Variants in PRORP observed in about 807,000 individuals in gnomAD.
PRORP encodes the protein protein only RNase P catalytic subunit, also known as mitochondrial ribonuclease P catalytic subunit.
In PRORP, 51 loss-of-function variants were observed where a neutral mutation model predicts 59.4. The ratio of observed to expected loss-of-function variants is 0.86; its 90% CI spans 0.69 to 1.08. The LOEUF is 1.08. Ranked by LOEUF, PRORP falls within the 50% of genes least tolerant of loss-of-function variation. The pLI, the probability that PRORP is intolerant of heterozygous loss-of-function variation, is 0.00. For missense variants in PRORP, 646 were observed against 690.3 expected (o/e 0.94, Z 0.72); for synonymous variants, 231 against 245.6 (o/e 0.94, Z 0.55).
At chr14:35,226,552 C>T (rs779555612) in intron 5 of PRORP, among the ~76,000 whole-genome samples, 21 of 152,018 alleles carry the variant, frequency 1.4e-4, no homozygotes, top group Non-Finnish European at 2.5e-4. Flanking sequence ...TAGACAGCAC[C>T]ACATAATAAA....
chr14:35,189,571 C>T (rs939526677), intron 5 of PRORP, among the ~76,000 whole-genome samples: 1 of 151,956 alleles, frequency 6.6e-6, no homozygotes, highest in East Asian at 1.9e-4. Context: ...TCTTGAGCAC[C>T]CATTCCAAGC....
intron 5 of PRORP, among the ~76,000 whole-genome samples, chr14:35,263,714 G>C (rs531471121): frequency 6.6e-6 from 1 of 152,022 alleles, no homozygotes; most frequent in Non-Finnish European, 1.5e-5. Flanking sequence ...ATAATATTGG[G>C]TACTCCGTTA....
chr14:35,144,681 G>T (rs1428475471), intron 4 of PRORP, among the ~76,000 whole-genome samples: 1 of 145,840 alleles, frequency 6.9e-6, no homozygotes, highest in Admixed American at 7.1e-5. Context: ...AAACTCTACT[G>T]TACACTTGTG....
At chr14:35,245,298 A>G (rs964095204) in intron 5 of PRORP, among the ~76,000 whole-genome samples, 9 of 152,208 alleles carry the variant, frequency 5.9e-5, no homozygotes, top group African/African-American at 2.2e-4. Context: ...ACTCTAGACT[A>G]CAGTTAAAAC....
intron 5 of PRORP, among the ~76,000 whole-genome samples, chr14:35,231,924 A>G (rs1312886715): frequency 1.3e-5 from 2 of 152,252 alleles, no homozygotes; most frequent in African/African-American, 4.8e-5. Flanking sequence ...ACTTTATTAT[A>G]TACATGCATA....
At chr14:35,189,953 A>G (rs571085472) in intron 5 of PRORP, among the ~76,000 whole-genome samples, 40 of 151,972 alleles carry the variant, frequency 2.6e-4, no homozygotes, top group African/African-American at 9.7e-4. Context: ...TACTAAAAAT[A>G]CAAAAATTAG....
intron 5 of PRORP, among the ~76,000 whole-genome samples, chr14:35,253,408 GAAAGAAA>G (rs1414166540): frequency 3.7e-5 from 5 of 135,302 alleles, no homozygotes; most frequent in Admixed American, 2.2e-4. Flanking sequence ...AAGAAGGAAA[GAAAGAAA>G]AAAAGAAAAG....
At chr14:35,256,683 T>G (rs12100582) in intron 5 of PRORP, among the ~76,000 whole-genome samples, 22,011 of 151,686 alleles carry the variant, frequency 0.15, 2,947 homozygotes, top group African/African-American at 0.34. Context: ...CCAACATATT[T>G]ACAGGTGAAA....
intron 4 of PRORP, among the ~76,000 whole-genome samples, chr14:35,128,299 G>A (rs1171071706): frequency 6.8e-6 from 1 of 146,434 alleles, no homozygotes; most frequent in African/African-American, 2.6e-5. Flanking sequence ...GTTGTTTTTT[G>A]GGTTTTTTTT....
chr14:35,265,769 A>C (rs1419218785), intron 5 of PRORP, among the ~76,000 whole-genome samples: 2 of 152,130 alleles, frequency 1.3e-5, no homozygotes, highest in African/African-American at 4.8e-5. Flanking sequence ...TAAATATATA[A>C]AGGTTGAGCC....
chr14:35,153,007 G>A (rs2047814709), intron 4 of PRORP, among the ~76,000 whole-genome samples: 1 of 152,246 alleles, frequency 6.6e-6, no homozygotes, highest in Admixed American at 6.5e-5. Flanking sequence ...GGCAGAGGCT[G>A]TAATCTCGGC....
upstream of PRORP, chr14:35,122,207 G>C: frequency 1.9e-6 from 1 of 515,056 alleles, no homozygotes; most frequent in South Asian, 2.3e-5. Flanking sequence ...TCCTTCAGAG[G>C]CGACCCAAGC....
intron 4 of PRORP, among the ~76,000 whole-genome samples, chr14:35,133,273 A>C (rs543394140): frequency 6.6e-6 from 1 of 152,062 alleles, no homozygotes; most frequent in African/African-American, 2.4e-5. Context: ...CTTCTGTGTG[A>C]TCCCTTCTGC....
At chr14:35,159,002 A>G (rs561697226) in intron 4 of PRORP, 9 of 345,058 alleles carry the variant, frequency 2.6e-5, no homozygotes, top group South Asian at 8.0e-5. Flanking sequence ...ACACATTTCC[A>G]TCATTCCAGT....
intron 4 of PRORP, among the ~76,000 whole-genome samples, chr14:35,132,832 A>C (rs1271153534): frequency 1.3e-5 from 2 of 151,860 alleles, no homozygotes; most frequent in African/African-American, 4.8e-5. Context: ...AAGCAAAGCA[A>C]AGGAAAGGGA....
intron 5 of PRORP, among the ~76,000 whole-genome samples, 154 bp downstream of exon 5, chr14:35,180,931 A>G (rs2048589854): frequency 6.6e-6 from 1 of 152,080 alleles, no homozygotes; most frequent in African/African-American, 2.4e-5. Context: ...CTCCCCTAAG[A>G]TTTACTATTT....
At chr14:35,183,470 C>G (rs145569133) in intron 5 of PRORP, among the ~76,000 whole-genome samples, 8 of 152,002 alleles carry the variant, frequency 5.3e-5, no homozygotes, top group African/African-American at 1.2e-4. Context: ...TGTGGATGTA[C>G]AATAATTTTT....
intron 5 of PRORP, among the ~76,000 whole-genome samples, chr14:35,220,566 T>G (rs1284323959): frequency 6.6e-6 from 1 of 152,060 alleles, no homozygotes; most frequent in African/African-American, 2.4e-5. Context: ...GTGAGCCAGT[T>G]GTGATGGAAA....
intron 4 of PRORP, among the ~76,000 whole-genome samples, chr14:35,157,501 T>C (rs1009441464): frequency 2.6e-5 from 4 of 152,188 alleles, no homozygotes; most frequent in Non-Finnish European, 5.9e-5. Context: ...AACTATGTGA[T>C]CAGTGAAGCT....
Sources: gnomAD v4.1 joint callset for allele counts (sites outside exome capture counted in the v4.1 genomes callset) on GRCh38, gnomAD v4.1.1 for gene constraint, MANE v1.5 for transcripts, NCBI Gene and HGNC (gene_info 2026-07-23, HGNC 2026-07-21) for gene names.